PRRX1: variants seen among roughly 807,000 people sequenced by gnomAD.
PRRX1 encodes paired related homeobox 1.
Under a neutral mutation model 24.0 loss-of-function variants are expected in PRRX1, and 8 were observed. That is an observed-to-expected ratio of 0.33 (90% CI 0.20 to 0.60). The LOEUF is 0.60. Ranked by LOEUF, PRRX1 falls within the 20% of genes least tolerant of loss-of-function variation. The probability of loss-of-function intolerance (pLI) is 0.82; values close to 1 mark genes in which losing one functional copy is unlikely to be tolerated. For synonymous variants in PRRX1, 160 were observed against 131.7 expected (o/e 1.22, Z -1.47); for missense variants, 281 against 322.4 (o/e 0.87, Z 0.98).
At chr1:170,735,577 T>TAG (rs1366144462) in intron 3 of PRRX1, among the ~76,000 whole-genome samples, 1 of 152,202 alleles carries the variant, frequency 6.6e-6, no homozygotes, top group East Asian at 1.9e-4. Context: ...TAAAATGTGT[T>TAG]AGAATTAAGG....
At chr1:170,664,519 G>T (rs1387939128) in intron 1 of PRRX1, 60 bp downstream of exon 1, 2 of 1,545,394 alleles carry the variant, frequency 1.3e-6, no homozygotes. Flanking sequence ...GGGGACCCGT[G>T]TAGGGCAGCT....
At chr1:170,728,888 C>A (rs527367420) in intron 3 of PRRX1, 18 of 152,236 alleles carry the variant, frequency 1.2e-4, no homozygotes, top group African/African-American at 4.1e-4. Context: ...AACAAGTGAT[C>A]CAAAGCAAAG....
chr1:170,710,051 G>T (rs1274054548), intron 1 of PRRX1, among the ~76,000 whole-genome samples: 54 of 152,114 alleles, frequency 3.5e-4, no homozygotes, highest in Non-Finnish European at 1.5e-5. Context: ...GATTCACATT[G>T]ATTTCAGTCT....
intron 1 of PRRX1, among the ~76,000 whole-genome samples, chr1:170,701,316 T>C (rs1654352811): frequency 6.6e-6 from 1 of 152,218 alleles, no homozygotes; most frequent in African/African-American, 2.4e-5. Context: ...TGGGAAAGAT[T>C]GACCTTTCAT....
intron 1 of PRRX1, among the ~76,000 whole-genome samples, chr1:170,685,129 T>A (rs969542974): frequency 1.3e-5 from 2 of 152,222 alleles, no homozygotes; most frequent in African/African-American, 2.4e-5. Context: ...GAAATATTGG[T>A]TTTGGACCAA....
intron 1 of PRRX1, among the ~76,000 whole-genome samples, chr1:170,666,460 G>A (rs1261801223): frequency 1.3e-5 from 2 of 149,658 alleles, no homozygotes; most frequent in African/African-American, 4.9e-5. Context: ...ACAGCATTTG[G>A]TGTAGACCCC....
chr1:170,712,014 C>A (rs1466766479), intron 1 of PRRX1, among the ~76,000 whole-genome samples: 2 of 152,130 alleles, frequency 1.3e-5, no homozygotes, highest in Non-Finnish European at 2.9e-5. Context: ...ATATGGCAAC[C>A]AAATTAGTTA....
chr1:170,735,043 T>C (rs1248883338), intron 3 of PRRX1, among the ~76,000 whole-genome samples: 1 of 152,200 alleles, frequency 6.6e-6, no homozygotes, highest in Non-Finnish European at 1.5e-5. Flanking sequence ...AAAGGGATTT[T>C]GCTAATCTTA....
At position 170,691,804 on chromosome 1, in the gene PRRX1, G is replaced by A. The variant is rs116424564; in HGVS notation, c.241+27345G>A. ...TGAAGCATAGTCCAAATGGTTTAAC[G>A]TAAAGGATGAAAATATTAACCCTGT... On this transcript the variant is annotated intron_variant, in intron 1 of 3. Coordinates refer to ENST00000239461, the MANE Select transcript of PRRX1 (RefSeq NM_022716.4). Among the ~76,000 whole-genome samples the A allele has an allele frequency of 3.7e-3, 565 of 151,900 alleles. 5 individuals carry two copies. The highest frequency in any genetic ancestry group is 0.012 in the African/African-American group (510 of 41,426).
chr1:170,673,682 C>A (rs184804878), intron 1 of PRRX1, among the ~76,000 whole-genome samples: 1 of 152,198 alleles, frequency 6.6e-6, no homozygotes, highest in Non-Finnish European at 1.5e-5. Flanking sequence ...ATGGAACTAA[C>A]GAACTTTCTT....
chr1:170,721,106 C>T (rs575726254), intron 2 of PRRX1, among the ~76,000 whole-genome samples: 1 of 152,272 alleles, frequency 6.6e-6, no homozygotes, highest in South Asian at 2.1e-4. Context: ...ATCCAGAGTT[C>T]ATGCTTTTAA....
At chr1:170,692,739 T>A (rs374683573) in intron 1 of PRRX1, among the ~76,000 whole-genome samples, 286 of 141,420 alleles carry the variant, frequency 2.0e-3, no homozygotes, top group Non-Finnish European at 3.0e-3. Context: ...TCTCTCTCTC[T>A]CTCACACACA....
intron 2 of PRRX1, among the ~76,000 whole-genome samples, chr1:170,720,205 G>T (rs936161433): frequency 8.5e-5 from 13 of 152,132 alleles, no homozygotes; most frequent in Non-Finnish European, 1.6e-4. Flanking sequence ...TTGAGCCTGG[G>T]GGGTGGAGGT....
chr1:170,676,290 C>A (rs1041625712), intron 1 of PRRX1, among the ~76,000 whole-genome samples: 7 of 151,924 alleles, frequency 4.6e-5, no homozygotes, highest in Non-Finnish European at 7.4e-5. Context: ...CGTTCTTACT[C>A]AGAATATACG....
Position 170,738,880 on chromosome 1 carries a change from T to G in PRRX1, c.*2694T>G. On this transcript the variant is annotated 3_prime_UTR_variant, in exon 4 of 4. Transcript: ENST00000239461. ...AAGCAAGCAATGTCTGGGAATATCATAGAGTAACAAGTGCTGGTCAGCCAA... is the reference window on the plus strand; with the variant it reads ...AAGCAAGCAATGTCTGGGAATATCAGAGAGTAACAAGTGCTGGTCAGCCAA... 4.4e-6 allele frequency: 1 copy of G among 229,540 alleles called. No homozygotes were observed. Among genetic ancestry groups the G allele is most frequent in the East Asian group, 6.2e-5 (1 of 16,034 alleles). The allele number at this position is 229,540 out of a possible 1,614,324, so 14.2% of individuals were successfully genotyped here. A position where few individuals can be genotyped will look rare whatever the true frequency, so the allele number is the denominator to read the frequency against.
chr1:170,710,248 C>T (rs1198786406), intron 1 of PRRX1, among the ~76,000 whole-genome samples: 1 of 152,144 alleles, frequency 6.6e-6, no homozygotes, highest in Non-Finnish European at 1.5e-5. Context: ...AGTCATCATG[C>T]TAAATGAGCA....
intron 1 of PRRX1, among the ~76,000 whole-genome samples, chr1:170,666,815 G>T (rs1490720955): frequency 6.6e-6 from 1 of 152,136 alleles, no homozygotes; most frequent in Non-Finnish European, 1.5e-5. Context: ...GGGAGCTCGG[G>T]ATTCGTCGTG....
intron 1 of PRRX1, chr1:170,667,948 A>C (rs147813535): frequency 0.015 from 2,246 of 152,200 alleles, 27 homozygotes; most frequent in Non-Finnish European, 0.021. Context: ...GGTATTCTCT[A>C]AAGTGAGGGC....
intron 1 of PRRX1, among the ~76,000 whole-genome samples, chr1:170,684,183 G>A (rs115147252): frequency 2.7e-4 from 41 of 152,206 alleles, no homozygotes; most frequent in South Asian, 2.1e-3. Flanking sequence ...ATGGTCCCTC[G>A]TGCTCTCAGG....
Sources: gnomAD v4.1 joint callset for allele counts (sites outside exome capture counted in the v4.1 genomes callset) on GRCh38, gnomAD v4.1.1 for gene constraint, MANE v1.5 for transcripts, NCBI Gene and HGNC (gene_info 2026-07-23, HGNC 2026-07-21) for gene names.